Variants in GK5 observed in about 807,000 individuals in gnomAD.
The protein encoded by GK5 is ATP:glycerol 3-phosphotransferase 5.
Under a neutral mutation model 77.3 loss-of-function variants are expected in GK5, and 39 were observed. The observed-to-expected ratio is 0.50, with a 90% CI of 0.39 to 0.66. GK5 has a LOEUF of 0.66. Among genes scored for constraint, GK5 ranks in the 30% least tolerant of loss-of-function variants. GK5 has a pLI of 0.00. For missense variants in GK5, 487 were observed against 633.8 expected, an observed-to-expected ratio of 0.77 and a Z score of 2.49; for synonymous variants, 211 against 208.0, an observed-to-expected ratio of 1.01 and a Z score of -0.13.
chr3:142,215,646 T>A lies in GK5; in HGVS notation c.194A>T (p.Asp65Val). 1 of 1,598,490 alleles carries A rather than the reference T, an allele frequency of 6.3e-7. No homozygotes were observed. Among genetic ancestry groups the A allele is most frequent in the Non-Finnish European group, 8.6e-7 (1 of 1,167,920 alleles). The change falls in exon 2 of 16, where the codon GAT (aspartate) becomes GTT (valine). Residue 65 changes from aspartate to valine, a missense_variant. Asp to Val is a radical substitution (Grantham distance 152). This residue lies in a region of GK5 where 97 missense variants were observed against 86.9 expected (regional missense o/e 1.12). Coordinates refer to ENST00000392993, the MANE Select transcript of GK5 (RefSeq NM_001039547.3). ...PQIGWVEIDP[D>V]VLWIQFVAVI... ...GGCAACAAATTGAATCCAAAGAACA[T>A]CAGGATCAATTTCTACCCAGCCAAT...
At chr3:142,185,853 A>G in intron 9 of GK5, 76 bp downstream of exon 9, 1 of 1,555,780 alleles carries the variant, frequency 6.4e-7, no homozygotes, top group South Asian at 1.2e-5. Flanking sequence ...GTTTCTCTTA[A>G]AGCTAGTCTC....
intron 1 of GK5, among the ~76,000 whole-genome samples, chr3:142,217,612 G>A (rs1418106647): frequency 6.6e-6 from 1 of 152,142 alleles, no homozygotes; most frequent in Non-Finnish European, 1.5e-5. Context: ...CTTGAGGGAA[G>A]TAACAGTGCT....
chr3:142,159,957 C>A lies in GK5; in HGVS notation c.*5665G>T, dbSNP rs1224473002. 1 of 152,048 alleles carries A rather than the reference C, an allele frequency of 6.6e-6. No homozygotes were observed. Among genetic ancestry groups the A allele is most frequent in the Non-Finnish European group, 1.5e-5 (1 of 68,106 alleles). 9.4% of individuals were successfully genotyped at this position (152,048 alleles called of 1,614,324 possible). ...CCACGTCCCGGGTTCAAGCAATTCT[C>A]CTGTCTCAGCCTCCCAAGTCGCTGG... is the stretch of plus-strand genomic sequence containing the variant. On this transcript the variant is annotated 3_prime_UTR_variant, in exon 16 of 16. Coordinates refer to ENST00000392993, the MANE Select transcript of GK5 (RefSeq NM_001039547.3).
At position 142,171,420 on chromosome 3, in the gene GK5, G is replaced by T; in HGVS notation, c.1306C>A (p.Arg436=). ...KEIHIPVRKI[R]ADGGVCKNGF... ...CTATTAGAAATAAACTTTACATACC[G>T]GATTTTTCTTACAGGAATATGAATC... The change falls in exon 14 of 16, where the codon CGG becomes AGG. Residue 436 remains arginine, a splice_region_variant and synonymous_variant. Coordinates refer to ENST00000392993, the MANE Select transcript of GK5 (RefSeq NM_001039547.3). 1 of 1,476,146 alleles carries T rather than the reference G, an allele frequency of 6.8e-7. No homozygotes were observed. Among genetic ancestry groups the T allele is most frequent in the East Asian group, 2.5e-5 (1 of 39,230 alleles). 91.4% of individuals were successfully genotyped at this position (1,476,146 alleles called of 1,614,324 possible).
Position 142,209,118 on chromosome 3 carries a change from C to T in GK5, c.318-4330G>A, listed in dbSNP as rs575335161. On this transcript the variant is annotated intron_variant, in intron 3 of 15. Coordinates refer to ENST00000392993, the MANE Select transcript of GK5 (RefSeq NM_001039547.3). ...GAGCCGAGATAGCACCACTGCACTC[C>T]AGCCTGGGCAAAAGAGTGAGACTCC... Among the ~76,000 whole-genome samples the T allele has an allele frequency of 2.6e-5, 4 of 151,470 alleles. No homozygotes were observed. In the East Asian group the frequency reaches 7.8e-4, roughly 29 times the overall value.
rs761217720 is a variant in GK5 at position 142,177,618 on chromosome 3, G to A, written c.1049-42C>T. 3 of 1,178,804 alleles carry A rather than the reference G, an allele frequency of 2.5e-6. No homozygotes were observed. The East Asian group carries it at 7.0e-5, about 27-fold the overall frequency. The allele number at this position is 1,178,804 out of a possible 1,614,324, so 73.0% of individuals were successfully genotyped here. Reference sequence around the variant, plus strand: ...ACAACAAAAAACCCTAAAACAAAATGAAGAGGTTAGAGAGGCACAAACAGA... The same window carrying A: ...ACAACAAAAAACCCTAAAACAAAATAAAGAGGTTAGAGAGGCACAAACAGA... On this transcript the variant is annotated intron_variant, in intron 11 of 15. Coordinates refer to ENST00000392993, the MANE Select transcript of GK5 (RefSeq NM_001039547.3).
In GK5 at chr3:142,225,349, T is replaced by C. The variant is rs1250289375; in HGVS notation, c.107A>G (p.Tyr36Cys). 1.9e-6 allele frequency: 3 copies of C among 1,571,568 alleles called. No homozygotes were observed. Among genetic ancestry groups the C allele is most frequent in the Non-Finnish European group, 1.7e-6 (2 of 1,159,818 alleles). The stretch of plus-strand genomic sequence containing the variant: ...GCCGCAGACCCGCGCCGCCCGGTCA[T>C]AGACGTGGCAGCGGATCACAGAACT... ...VGSSVIRCHV[Y>C]DRAARVCGSS... The change falls in exon 1 of 16, where the codon TAT (tyrosine) becomes TGT (cysteine). Residue 36 changes from tyrosine to cysteine, a missense_variant. Around this residue, in one of 4 missense-constraint regions of GK5, gnomAD observed 97 missense variants for 86.9 expected, o/e 1.12. Coordinates refer to ENST00000392993, the MANE Select transcript of GK5 (RefSeq NM_001039547.3).
At chr3:142,220,858 T>C (rs2064336040) in intron 1 of GK5, among the ~76,000 whole-genome samples, 1 of 152,110 alleles carries the variant, frequency 6.6e-6, no homozygotes, top group Non-Finnish European at 1.5e-5. Context: ...CCAGATGGGG[T>C]TGTACGTAGG....
intron 5 of GK5, among the ~76,000 whole-genome samples, chr3:142,188,324 G>A (rs1337242211): frequency 1.3e-5 from 2 of 152,172 alleles, no homozygotes; most frequent in East Asian, 1.9e-4. Context: ...GAGGTCAGGA[G>A]ATTGAGACCA....
At chr3:142,171,289 A>T in intron 14 of GK5, 130 bp downstream of exon 14, 1 of 854,222 alleles carries the variant, frequency 1.2e-6, no homozygotes. Flanking sequence ...AGCAGAAATT[A>T]TTTTTGAAAT....
At chr3:142,184,914 C>T (rs1577119335) in intron 9 of GK5, 1 of 985,424 alleles carries the variant, frequency 1.0e-6, no homozygotes, top group Non-Finnish European at 1.2e-6. Context: ...TCCAGCCATA[C>T]CTTAATCTAA....
intron 14 of GK5, 53 bp downstream of exon 14, chr3:142,171,366 T>C: frequency 7.1e-7 from 1 of 1,399,904 alleles, no homozygotes; most frequent in African/African-American, 1.5e-5. Context: ...TCATAGCAGC[T>C]ACCACTTACT....
chr3:142,180,547 G>C (rs903006609), intron 11 of GK5, among the ~76,000 whole-genome samples: 1 of 151,948 alleles, frequency 6.6e-6, no homozygotes, highest in Non-Finnish European at 1.5e-5. Flanking sequence ...GGTAATCCAC[G>C]TGCCTCAGCC....
chr3:142,173,784 T>G (rs1398776863), intron 12 of GK5, among the ~76,000 whole-genome samples: 1 of 151,796 alleles, frequency 6.6e-6, no homozygotes, highest in Non-Finnish European at 1.5e-5. Context: ...CAGACAAGAG[T>G]CTCACAAGAG....
intron 15 of GK5, among the ~76,000 whole-genome samples, chr3:142,166,202 A>T (rs1239263601): frequency 6.6e-6 from 1 of 152,158 alleles, no homozygotes; most frequent in Non-Finnish European, 1.5e-5. Flanking sequence ...AGCTATGATT[A>T]TATCACTGCA....
chr3:142,165,842 T>C, intron 15 of GK5, 72 bp from the exon 16 acceptor site: 2 of 965,782 alleles, frequency 2.1e-6, no homozygotes, highest in Non-Finnish European at 3.0e-6. Flanking sequence ...CAAAAACCTA[T>C]ACGAGTTGCT....
chr3:142,179,603 T>C lies in GK5; in HGVS notation c.1048+1858A>G, dbSNP rs1330033932. ...TTACAAGATAAGATGTAGGAAAACA[T>C]ACTAGACAGTTGGTTTGAGGAAAAT... On this transcript the variant is annotated intron_variant, in intron 11 of 15. Coordinates refer to ENST00000392993, the MANE Select transcript of GK5 (RefSeq NM_001039547.3). Among the ~76,000 whole-genome samples, 4 of 152,226 alleles carry C rather than the reference T, an allele frequency of 2.6e-5. No individual in the cohort carries two copies. The East Asian group carries it at 5.8e-4, about 22-fold the overall frequency.
intron 15 of GK5, among the ~76,000 whole-genome samples, chr3:142,169,160 A>C (rs1311174945): frequency 3.9e-5 from 6 of 152,160 alleles, no homozygotes; most frequent in African/African-American, 1.4e-4. Flanking sequence ...TGCTCCACAA[A>C]CGTTGTTCAA....
At chr3:142,207,092 C>T (rs1425777687) in intron 3 of GK5, among the ~76,000 whole-genome samples, 1 of 152,164 alleles carries the variant, frequency 6.6e-6, no homozygotes, top group Non-Finnish European at 1.5e-5. Context: ...TGTGCTTCCC[C>T]CTGCAGAAAG....
Sources: gnomAD v4.1 joint callset for allele counts (sites outside exome capture counted in the v4.1 genomes callset) on GRCh38, gnomAD v4.1.1 for gene constraint, gnomAD v4.1.1 regional missense constraint, MANE v1.5 for transcripts, NCBI Gene and HGNC (gene_info 2026-07-23, HGNC 2026-07-21) for gene names.